The following CCDC14 variants were observed in gnomAD, a reference collection of about 807,000 sequenced individuals.
CCDC14 encodes the protein coiled-coil domain-containing protein 14.
CCDC14 carries 71 observed loss-of-function variants against 81.4 expected under a neutral mutation model. That is an observed-to-expected ratio of 0.87 (90% CI 0.72 to 1.06). The LOEUF (loss-of-function observed/expected upper bound fraction) is 1.06, where lower values mean the gene tolerates loss of function less well. CCDC14 is among the 50% of genes least tolerant of loss of function. The pLI, the probability that CCDC14 is intolerant of heterozygous loss-of-function variation, is 0.00. For missense variants in CCDC14, 1,046 were observed against 1,047.3 expected (o/e 1.00, Z 0.02); for synonymous variants, 332 against 364.8 (o/e 0.91, Z 1.03).
chr3:123,957,645 C>T (rs1285405865), intron 1 of CCDC14: 13 of 152,034 alleles, frequency 8.6e-5, no homozygotes, highest in Admixed American at 8.5e-4. Flanking sequence ...TTTGCTTTTA[C>T]ATGCATCCAG....
chr3:123,933,939 G>T (rs1374753585), intron 9 of CCDC14, among the ~76,000 whole-genome samples, 184 bp from the exon 10 acceptor site: 1 of 152,000 alleles, frequency 6.6e-6, no homozygotes, highest in East Asian at 1.9e-4. Context: ...TTATTATGAG[G>T]CCTGAGATAA....
intron 5 of CCDC14, among the ~76,000 whole-genome samples, chr3:123,900,548 A>G (rs972137993): frequency 1.3e-5 from 2 of 152,226 alleles, no homozygotes; most frequent in Admixed American, 6.5e-5. Context: ...CTCAGTTACG[A>G]ATTCCAGCGA....
intron 5 of CCDC14, chr3:123,952,522 C>A: frequency 2.1e-6 from 1 of 467,722 alleles, no homozygotes; most frequent in South Asian, 1.6e-5. Context: ...GAAGCACTCT[C>A]AAATAAGCTC....
intron 8 of CCDC14, 132 bp downstream of exon 8, chr3:123,946,671 A>G: frequency 2.3e-6 from 2 of 870,956 alleles, no homozygotes; most frequent in Non-Finnish European, 1.8e-6. Context: ...AATAAGTAGA[A>G]CTCATTTTCT....
At chr3:123,904,366 T>A (rs1164206715) in intron 5 of CCDC14, among the ~76,000 whole-genome samples, 1 of 152,064 alleles carries the variant, frequency 6.6e-6, no homozygotes, top group African/African-American at 2.4e-5. Flanking sequence ...TGAAGATAGG[T>A]TACAGGTGTG....
chr3:123,934,270 CAAAAAAAA>C (rs61094944), intron 9 of CCDC14, among the ~76,000 whole-genome samples: 27 of 52,288 alleles, frequency 5.2e-4, no homozygotes, highest in Admixed American at 9.8e-4. Context: ...GACTCTGCCT[CAAAAAAAA>C]AAAAAAAAAA....
chr3:123,938,676 C>T (rs1478595500), intron 9 of CCDC14, among the ~76,000 whole-genome samples: 2 of 151,878 alleles, frequency 1.3e-5, no homozygotes, highest in Non-Finnish European at 2.9e-5. Flanking sequence ...AACATTCATA[C>T]ATTCTCCAGC....
chr3:123,959,886 T>A (rs1340876047), intron 1 of CCDC14, among the ~76,000 whole-genome samples: 1 of 152,238 alleles, frequency 6.6e-6, no homozygotes, highest in Non-Finnish European at 1.5e-5. Context: ...TTTTAATGGT[T>A]GTATAATATT....
chr3:123,901,255 AAAG>A (rs967741152), intron 5 of CCDC14, among the ~76,000 whole-genome samples: 8 of 152,026 alleles, frequency 5.3e-5, no homozygotes, highest in African/African-American at 1.7e-4. Context: ...ATAAAAAAAA[AAAG>A]AAGACAGAGT....
At chr3:123,921,713 A>G (rs752064879) in intron 12 of CCDC14, among the ~76,000 whole-genome samples, 1 of 152,192 alleles carries the variant, frequency 6.6e-6, no homozygotes, top group African/African-American at 2.4e-5. Flanking sequence ...CCACACATAA[A>G]ATACATTAAC....
chr3:123,914,897 GA>G lies in CCDC14; in HGVS notation c.2599del (p.Ser867LeufsTer21). ...ACGAGAAGTGAACGTTGAAAACGAA[GA>G]GATGCTCCAGTCAGACATCAAGTCA... The part of the protein sequence containing the change: ...TSDLMSDWSI[S>X]SFSTFTSRDE... On this transcript the variant is annotated frameshift_variant, in exon 13 of 13. Coordinates refer to ENST00000409697, the MANE Select transcript of CCDC14 (RefSeq NM_001366335.1). LOFTEE classifies it high-confidence loss of function. The G allele has an allele frequency of 6.2e-7, 1 of 1,613,942 alleles. No homozygotes were observed. Among genetic ancestry groups the G allele is most frequent in the Non-Finnish European group, 8.5e-7 (1 of 1,179,844 alleles).
In CCDC14 at chr3:123,914,208, A is replaced by G. The variant is rs749113891; in HGVS notation, c.*571T>C. The G allele has an allele frequency of 2.0e-6, 2 of 984,432 alleles. No individual in the cohort carries two copies. Among genetic ancestry groups the G allele is most frequent in the Admixed American group, 6.2e-5 (1 of 16,254 alleles). 61.0% of individuals were successfully genotyped at this position (984,432 alleles called of 1,614,324 possible). A position where few individuals can be genotyped will look rare whatever the true frequency, so the allele number is the denominator to read the frequency against. ...GTTTTAAGAAGCCATATGTTAACTT[A>G]GGATGTTATCTATATATTTTTTAGA... is the stretch of plus-strand genomic sequence containing the variant. On this transcript the variant is annotated 3_prime_UTR_variant, in exon 13 of 13. Transcript: ENST00000409697.
At chr3:123,929,156 C>G (rs971757098) in intron 12 of CCDC14, among the ~76,000 whole-genome samples, 1 of 152,130 alleles carries the variant, frequency 6.6e-6, no homozygotes, top group African/African-American at 2.4e-5. Flanking sequence ...TAGAATGAAG[C>G]AGATGCTCAT....
In CCDC14 at chr3:123,906,614, C is replaced by G. The variant is rs2034317817; in HGVS notation, c.668-9001G>C. 1.3e-5 allele frequency among the ~76,000 whole-genome samples: 2 copies of G among 152,162 alleles called. 1 individual carries two copies. The highest frequency in any genetic ancestry group is 3.9e-4 in the East Asian group (2 of 5,174). Reference sequence around the variant, plus strand: ...AGCATTAACAGGTGACATTAAAGATCAAAACCTCCCATACCCATTAGAGTG... The same window carrying G: ...AGCATTAACAGGTGACATTAAAGATGAAAACCTCCCATACCCATTAGAGTG... On this transcript the variant is annotated intron_variant, in intron 5 of 5. Coordinates refer to the CCDC14 transcript ENST00000479903.
chr3:123,901,400 T>C (rs977067668), intron 5 of CCDC14, among the ~76,000 whole-genome samples: 2 of 152,162 alleles, frequency 1.3e-5, no homozygotes, highest in African/African-American at 4.8e-5. Flanking sequence ...GTAGTTATTA[T>C]TTAAATGTAT....
chr3:123,937,664 T>G (rs1408459763), intron 9 of CCDC14, among the ~76,000 whole-genome samples: 1 of 151,932 alleles, frequency 6.6e-6, no homozygotes, highest in Non-Finnish European at 1.5e-5. Flanking sequence ...AGTTTTAAAT[T>G]TTGATGAAGT....
At chr3:123,922,952 C>T (rs946252333) in intron 12 of CCDC14, among the ~76,000 whole-genome samples, 2 of 152,010 alleles carry the variant, frequency 1.3e-5, no homozygotes, top group Non-Finnish European at 2.9e-5. Context: ...ACTCTGATAA[C>T]AAAGCCAGAA....
chr3:123,898,884 GT>G (rs10675830), intron 5 of CCDC14, among the ~76,000 whole-genome samples: 17,500 of 139,426 alleles, frequency 0.13, 2,457 homozygotes, highest in East Asian at 0.46. Context: ...TTGTTTGGTT[GT>G]TTTTTTTTTT....
At chr3:123,887,275 C>T in the CCDC14 span, among the ~76,000 whole-genome samples, 1 of 151,882 alleles carries the variant, frequency 6.6e-6, no homozygotes, top group Non-Finnish European at 1.5e-5. Flanking sequence ...CCATTAGTTC[C>T]TTATGTTTAT....
Sources: allele counts gnomAD v4.1 joint callset (sites outside exome capture counted in the v4.1 genomes callset), GRCh38; gene constraint gnomAD v4.1.1; transcripts MANE v1.5; gene names NCBI Gene and HGNC (gene_info 2026-07-23, HGNC 2026-07-21).